The following MGAT5 variants were observed in gnomAD, a reference collection of about 807,000 sequenced individuals.
MGAT5 encodes alpha-1,6-mannosylglycoprotein 6-beta-N-acetylglucosaminyltransferase A.
A neutral mutation model predicts 94.3 loss-of-function variants in MGAT5; 30 were observed. That is an observed-to-expected ratio of 0.32 (90% confidence interval 0.24 to 0.43). The LOEUF (loss-of-function observed/expected upper bound fraction) is 0.43. Among genes scored for constraint, MGAT5 ranks in the 20% least tolerant of loss-of-function variants. The pLI is 1.00. For synonymous variants in MGAT5, 310 were observed against 322.9 expected, an observed-to-expected ratio of 0.96 and a Z score of 0.43; for missense variants, 691 against 905.5, an observed-to-expected ratio of 0.76 and a Z score of 3.04.
chr2:134,157,087 T>G (rs1032185065), intron 1 of MGAT5, among the ~76,000 whole-genome samples: 3 of 152,196 alleles, frequency 2.0e-5, no homozygotes, highest in African/African-American at 7.2e-5. Context: ...AAGTGATTGA[T>G]TCTTACTAAG....
At chr2:134,122,451 T>C (rs553291799) in intron 1 of MGAT5, among the ~76,000 whole-genome samples, 2 of 152,148 alleles carry the variant, frequency 1.3e-5, no homozygotes, top group African/African-American at 4.8e-5. Context: ...TTTTCCAGTT[T>C]AGTTTTTTTC....
chr2:134,365,982 T>A (rs1208306713), intron 10 of MGAT5, among the ~76,000 whole-genome samples: 2 of 152,014 alleles, frequency 1.3e-5, no homozygotes, highest in Non-Finnish European at 2.9e-5. Context: ...GGGAGGGGAA[T>A]CTTGCCGTCA....
At chr2:134,347,010 G>A (rs142861781) in intron 8 of MGAT5, among the ~76,000 whole-genome samples, 3 of 152,260 alleles carry the variant, frequency 2.0e-5, no homozygotes, top group East Asian at 1.9e-4. Flanking sequence ...TCGCTGTTAC[G>A]GGAAGGCGAG....
chr2:134,346,958 C>A (rs1441531196), intron 8 of MGAT5, among the ~76,000 whole-genome samples: 1 of 152,060 alleles, frequency 6.6e-6, no homozygotes, highest in Non-Finnish European at 1.5e-5. Flanking sequence ...TGGCTGAGAG[C>A]AAAGAGAAGT....
At chr2:134,142,399 G>GT (rs1271768955) in intron 1 of MGAT5, among the ~76,000 whole-genome samples, 1 of 152,202 alleles carries the variant, frequency 6.6e-6, no homozygotes, top group African/African-American at 2.4e-5. Flanking sequence ...AGGCCTATGG[G>GT]TTTTATGGGA....
chr2:134,406,791 A>G (rs1288984186), intron 11 of MGAT5, among the ~76,000 whole-genome samples: 1 of 151,710 alleles, frequency 6.6e-6, no homozygotes, highest in Non-Finnish European at 1.5e-5. Flanking sequence ...GATTTTCAGG[A>G]AGCTGAAATG....
intron 1 of MGAT5, among the ~76,000 whole-genome samples, chr2:134,147,777 C>T (rs944766623): frequency 9.9e-5 from 15 of 152,168 alleles, no homozygotes; most frequent in African/African-American, 3.6e-4. Flanking sequence ...TCCTGTCCTC[C>T]TCCTTCCACG....
intron 1 of MGAT5, among the ~76,000 whole-genome samples, chr2:134,182,780 GT>G (rs5834402): frequency 0.03 from 2,654 of 87,072 alleles, 17 homozygotes; most frequent in East Asian, 0.18. Context: ...TAGAAGATTA[GT>G]TTTTTTTTTT....
At chr2:134,379,284 T>G (rs1174739047) in intron 10 of MGAT5, among the ~76,000 whole-genome samples, 2 of 152,242 alleles carry the variant, frequency 1.3e-5, no homozygotes, top group Non-Finnish European at 2.9e-5. Context: ...TGTGATGACT[T>G]GCTAGTATTC....
chr2:134,154,936 A>G (rs1425102939), intron 1 of MGAT5, among the ~76,000 whole-genome samples: 1 of 152,164 alleles, frequency 6.6e-6, no homozygotes, highest in Non-Finnish European at 1.5e-5. Context: ...GAGGATAATG[A>G]CATCCCTTCT....
At chr2:134,438,660 G>C (rs559323363) in intron 14 of MGAT5, among the ~76,000 whole-genome samples, 1 of 152,156 alleles carries the variant, frequency 6.6e-6, no homozygotes, top group South Asian at 2.1e-4. Flanking sequence ...CTCAAGTTAC[G>C]TTGCGACCCA....
intron 10 of MGAT5, among the ~76,000 whole-genome samples, chr2:134,400,227 C>T (rs550556165): frequency 3.9e-5 from 6 of 152,288 alleles, no homozygotes; most frequent in African/African-American, 1.4e-4. Flanking sequence ...CTGGAATAGG[C>T]AGCGTGGTTC....
intron 1 of MGAT5, among the ~76,000 whole-genome samples, chr2:134,135,340 G>GT (rs963419739): frequency 6.6e-6 from 1 of 151,816 alleles, no homozygotes; most frequent in African/African-American, 2.4e-5. Flanking sequence ...GTAAAGTAAT[G>GT]TTTTTTCTCT....
At chr2:134,342,358 G>A (rs1358683952) in intron 7 of MGAT5, among the ~76,000 whole-genome samples, 1 of 152,110 alleles carries the variant, frequency 6.6e-6, no homozygotes, top group Non-Finnish European at 1.5e-5. Flanking sequence ...AGTCACTTAG[G>A]ATTACTGCCC....
chr2:134,341,201 G>T lies in MGAT5; in HGVS notation c.808-389G>T, dbSNP rs115793234. On this transcript the variant is annotated intron_variant, in intron 6 of 15. Coordinates refer to ENST00000281923, the MANE Select transcript of MGAT5 (RefSeq NM_002410.5). ...TGGCATTGACTATATTGTCATGTTT[G>T]CCTTTCCATGTGTTTGAAATTTTCC... 4.9e-3 allele frequency among the ~76,000 whole-genome samples: 751 copies of T among 152,240 alleles called. 7 individuals carry two copies. Among genetic ancestry groups the T allele is most frequent in the African/African-American group, 0.017 (716 of 41,556 alleles).
intron 10 of MGAT5, among the ~76,000 whole-genome samples, chr2:134,377,134 A>G (rs1168734340): frequency 6.6e-6 from 1 of 152,230 alleles, no homozygotes; most frequent in Non-Finnish European, 1.5e-5. Context: ...GTGCCCAGCT[A>G]TAATTAGCAA....
intron 1 of MGAT5, among the ~76,000 whole-genome samples, chr2:134,159,652 C>T (rs188631103): frequency 4.1e-4 from 62 of 152,258 alleles, no homozygotes; most frequent in Non-Finnish European, 8.1e-4. Context: ...GAGTTTGAGA[C>T]CAGCCTGGCC....
intron 1 of MGAT5, among the ~76,000 whole-genome samples, chr2:134,200,721 C>A (rs539717057): frequency 6.6e-6 from 1 of 152,032 alleles, no homozygotes; most frequent in Non-Finnish European, 1.5e-5. Flanking sequence ...TTCTGGTAAA[C>A]GAAATAAACA....
At chr2:134,427,660 G>A (rs918946514) in intron 13 of MGAT5, among the ~76,000 whole-genome samples, 2 of 152,170 alleles carry the variant, frequency 1.3e-5, no homozygotes, top group Non-Finnish European at 2.9e-5. Context: ...GATGTCTTCA[G>A]CATCTTGGCC....
Sources: allele counts gnomAD v4.1 joint callset (sites outside exome capture counted in the v4.1 genomes callset), GRCh38; gene constraint gnomAD v4.1.1; transcripts MANE v1.5; gene names NCBI Gene and HGNC (gene_info 2026-07-23, HGNC 2026-07-21).